PLEKHG5: variants seen among roughly 807,000 people sequenced by gnomAD.
PLEKHG5 encodes the protein pleckstrin homology and RhoGEF domain containing G5, also known as pleckstrin homology domain-containing family G member 5.
A neutral mutation model predicts 103.8 loss-of-function variants in PLEKHG5; 52 were observed. That is an observed-to-expected ratio of 0.50 (90% CI 0.40 to 0.63). PLEKHG5 has a LOEUF of 0.63. Ranked by LOEUF, PLEKHG5 falls within the 30% of genes least tolerant of loss-of-function variation. PLEKHG5 has a pLI of 0.00. For missense variants in PLEKHG5, 1,205 were observed against 1,347.6 expected, an observed-to-expected ratio of 0.89 and a Z score of 1.66; for synonymous variants, 592 against 575.5, an observed-to-expected ratio of 1.03 and a Z score of -0.41.
At chr1:6,473,589 C>T (rs963399976) in intron 7 of PLEKHG5, 135 bp from the exon 8 acceptor site, 3 of 669,166 alleles carry the variant, frequency 4.5e-6, no homozygotes, top group Non-Finnish European at 7.5e-6. Context: ...GGTGTCCCCT[C>T]TCCTGGGACC....
Position 6,471,499 on chromosome 1 carries a change from C to A in PLEKHG5, c.1270G>T (p.Gly424Cys), listed in dbSNP as rs1366436495. ...ALLQPGDFLK[G>C]FKMFGSLFKP... ...GGCCCCGCCCGTACCATCTTGAAGC[C>A]TTTGAGGAAGTCCCCGGGCTGTAGC... Residue 424 changes from glycine (G) to cysteine (C), a missense_variant, in exon 12 of 21, where the codon GGC (glycine) becomes TGC (cysteine). Coordinates refer to ENST00000377728, the MANE Select transcript of PLEKHG5 (RefSeq NM_020631.6). 1 of 1,610,690 alleles carries A rather than the reference C, an allele frequency of 6.2e-7. No homozygotes were observed. The highest frequency in any genetic ancestry group is 1.3e-5 in the African/African-American group (1 of 75,006).
chr1:6,477,185 C>G (rs1428683760), intron 2 of PLEKHG5, among the ~76,000 whole-genome samples: 4 of 152,202 alleles, frequency 2.6e-5, no homozygotes, highest in Non-Finnish European at 5.9e-5. Context: ...CACAGCCTGG[C>G]TTGCAGGACT....
At chr1:6,498,864 G>A (rs1201602957), upstream of PLEKHG5, among the ~76,000 whole-genome samples, 1 of 152,238 alleles carries the variant, frequency 6.6e-6, no homozygotes, top group Non-Finnish European at 1.5e-5. Context: ...TGGAGGTGGA[G>A]GCAGCCGAGG....
intron 1 of PLEKHG5, among the ~76,000 whole-genome samples, chr1:6,480,620 T>C (rs1644874884): frequency 1.3e-5 from 2 of 151,968 alleles, no homozygotes; most frequent in African/African-American, 4.8e-5. Flanking sequence ...AATCAATTAT[T>C]TGATTCTTCT....
At chr1:6,480,016 G>C (rs1473365621) in intron 1 of PLEKHG5, among the ~76,000 whole-genome samples, 1 of 152,162 alleles carries the variant, frequency 6.6e-6, no homozygotes, top group Admixed American at 6.5e-5. Context: ...CGTTCAGGCG[G>C]GGACACCACA....
chr1:6,471,326 G>A (rs1644578064), intron 12 of PLEKHG5, 162 bp downstream of exon 12: 2 of 898,700 alleles, frequency 2.2e-6, no homozygotes, highest in African/African-American at 3.3e-5. Context: ...TCAAACCCGG[G>A]CGACCGCCTC....
upstream of PLEKHG5, chr1:6,491,766 G>A (rs996098878): frequency 2.3e-6 from 2 of 887,748 alleles, no homozygotes; most frequent in African/African-American, 3.6e-5. This position sits in a 1 kb window ranked among gnomAD's most constrained non-coding sequence, Gnocchi z 4.1. Context: ...CCATTGTTAA[G>A]CTGCAAGGGA....
Position 6,471,548 on chromosome 1 carries a change from C to T in PLEKHG5, c.1221G>A (p.Glu407=). ...GCAGCGCTCGCGTGCGCCGCGCCTT[C>T]TCCAGCACCGGCGCCATCACGCTAG... The part of the protein sequence containing the change: ...LWASVMAPVL[E]KARRTRALLQ... The change falls in exon 12 of 21, where the codon GAG becomes GAA. Residue 407 remains glutamate (E), a synonymous_variant. Coordinates refer to ENST00000377728, the MANE Select transcript of PLEKHG5 (RefSeq NM_020631.6). 6.2e-7 allele frequency: 1 copy of T among 1,607,652 alleles called. No individual in the cohort carries two copies. Among genetic ancestry groups the T allele is most frequent in the South Asian group, 1.1e-5 (1 of 90,202 alleles).
rs1228065483 is a variant in PLEKHG5 at position 6,473,186 on chromosome 1, C to G, written c.796-12G>C. 5.6e-6 allele frequency: 9 copies of G among 1,613,672 alleles called. No homozygotes were observed. Among genetic ancestry groups the G allele is most frequent in the Non-Finnish European group, 7.6e-6 (9 of 1,179,936 alleles). ...ATCTTGTCTACCTCCTGGAAAGATA[C>G]CCTGGTCAGGGTCAGGGGTCATGGC... On this transcript the variant is annotated splice_polypyrimidine_tract_variant and intron_variant, in intron 8 of 20. Coordinates refer to ENST00000377728, the MANE Select transcript of PLEKHG5 (RefSeq NM_020631.6).
chr1:6,503,505 T>G (rs1035120974), intron 1 of PLEKHG5, among the ~76,000 whole-genome samples: 1 of 151,292 alleles, frequency 6.6e-6, no homozygotes, highest in Non-Finnish European at 1.5e-5. Flanking sequence ...CCTCCCGGGT[T>G]CAAGTGATTC....
At chr1:6,502,494 C>T (rs1645306248) in intron 1 of PLEKHG5, among the ~76,000 whole-genome samples, 1 of 152,202 alleles carries the variant, frequency 6.6e-6, no homozygotes, top group Non-Finnish European at 1.5e-5. Context: ...TTCAGGATTC[C>T]TTCCTGGGGC....
rs369453820 is a variant in PLEKHG5, at chr1:6,467,627, C to A, written c.3012-55G>T. The A allele has an allele frequency of 5.0e-6, 8 of 1,584,778 alleles. No individual in the cohort carries two copies. The Admixed American group carries it at 1.3e-4, about 26-fold the overall frequency. On this transcript the variant is annotated intron_variant, in intron 20 of 20. Transcript: ENST00000377728. The stretch of plus-strand genomic sequence containing the variant: ...CTTTGGCTGACGCCATTCAGAGTGG[C>A]TCTGGTCACCCTCTCTTCCCCACGG...
Position 6,501,721 on chromosome 1 carries a change from T to G in PLEKHG5, c.-164-5152A>C, listed in dbSNP as rs563854286. The stretch of plus-strand genomic sequence containing the variant: ...CTGTGAGTGTGTAAGCCTCCAAGCC[T>G]GTGCTCCTAACCGCCAGGCTACAGT... On this transcript the variant is annotated intron_variant, in intron 1 of 21. Coordinates refer to the PLEKHG5 transcript ENST00000377740. The surrounding 1 kb of genome is among the most constrained non-coding windows in gnomAD (Gnocchi z 4.3). Among the ~76,000 whole-genome samples the G allele has an allele frequency of 6.6e-6, 1 of 152,306 alleles. No homozygotes were observed. The highest frequency in any genetic ancestry group is 1.9e-4 in the East Asian group (1 of 5,184).
intron 1 of PLEKHG5, among the ~76,000 whole-genome samples, chr1:6,512,826 A>G (rs1021576911): frequency 6.6e-6 from 1 of 152,178 alleles, no homozygotes; most frequent in Non-Finnish European, 1.5e-5. Context: ...CGGCTGTGCC[A>G]TCTCGAACAA....
At chr1:6,498,566 A>C (rs1370269608), upstream of PLEKHG5, among the ~76,000 whole-genome samples, 2 of 152,152 alleles carry the variant, frequency 1.3e-5, no homozygotes, top group East Asian at 3.9e-4. Context: ...AGACTTGGGG[A>C]GCTCACAGGG....
intron 1 of PLEKHG5, among the ~76,000 whole-genome samples, chr1:6,481,677 A>C (rs1019959239): frequency 2.6e-5 from 4 of 151,682 alleles, no homozygotes; most frequent in Admixed American, 6.6e-5. Flanking sequence ...ATCCTGGCTA[A>C]CATGGTGAAA....
chr1:6,471,141 G>C, intron 12 of PLEKHG5, 41 bp from the exon 13 acceptor site: 1 of 1,490,216 alleles, frequency 6.7e-7, no homozygotes, highest in Non-Finnish European at 9.1e-7. Context: ...GTTACCGCGC[G>C]CTCCCTGCGG....
At chr1:6,479,644 G>A (rs969867576) in intron 1 of PLEKHG5, among the ~76,000 whole-genome samples, 16 of 151,094 alleles carry the variant, frequency 1.1e-4, no homozygotes, top group Non-Finnish European at 1.6e-4. Flanking sequence ...ACAGGGTCTC[G>A]CTCTGTAGCC....
chr1:6,499,438 T>G (rs545370198), upstream of PLEKHG5, among the ~76,000 whole-genome samples: 105 of 152,276 alleles, frequency 6.9e-4, no homozygotes, highest in Non-Finnish European at 1.3e-3. Flanking sequence ...CACCCTGCCT[T>G]CTAGACCCTA....
Sources: allele counts gnomAD v4.1 joint callset (sites outside exome capture counted in the v4.1 genomes callset), GRCh38; gene constraint gnomAD v4.1.1; non-coding constraint Gnocchi (gnomAD v3.1); transcripts MANE v1.5; gene names NCBI Gene and HGNC (gene_info 2026-07-23, HGNC 2026-07-21).